The following ANO2 variants were observed in gnomAD, a reference collection of about 807,000 sequenced individuals.
The protein encoded by ANO2 is anoctamin 2.
In ANO2, 101 loss-of-function variants were observed where a neutral mutation model predicts 124.2. That is an observed-to-expected ratio of 0.81 (90% confidence interval 0.69 to 0.96). ANO2 has a LOEUF of 0.96. ANO2 is among the 40% of genes least tolerant of loss of function. ANO2 has a pLI of 0.00. For synonymous variants in ANO2, 486 were observed against 482.5 expected (o/e 1.01, Z -0.09); for missense variants, 1,293 against 1,274.5 (o/e 1.01, Z -0.22).
chr12:5,942,631 G>A (rs185254642), intron 1 of ANO2, among the ~76,000 whole-genome samples: 217 of 140,064 alleles, frequency 1.5e-3, no homozygotes, highest in Non-Finnish European at 2.7e-3. Context: ...TCCCCACAGG[G>A]GAAGCTCCAC....
At chr12:5,826,035 G>C (rs1224014164) in intron 7 of ANO2, among the ~76,000 whole-genome samples, 1 of 152,138 alleles carries the variant, frequency 6.6e-6, no homozygotes, top group Non-Finnish European at 1.5e-5. Flanking sequence ...TTAAAAACAT[G>C]TTTGTGCATG....
At position 5,642,375 on chromosome 12, in the gene ANO2, C is replaced by G. The variant is rs1476148936; in HGVS notation, c.1620+5352G>C. 4.6e-5 allele frequency among the ~76,000 whole-genome samples: 7 copies of G among 152,294 alleles called. No individual in the cohort carries two copies. In the East Asian group the frequency reaches 1.2e-3, roughly 25 times the overall value. Reference sequence around the variant, plus strand: ...AGACTCATATGCATCAGGAGGGCAACTGAGTTAAGGAATAACTGGCAGATT... The same window carrying G: ...AGACTCATATGCATCAGGAGGGCAAGTGAGTTAAGGAATAACTGGCAGATT... On this transcript the variant is annotated intron_variant, in intron 15 of 24. Transcript: ENST00000682330.
At chr12:5,919,318 C>T (rs1941560488) in intron 3 of ANO2, among the ~76,000 whole-genome samples, 1 of 151,752 alleles carries the variant, frequency 6.6e-6, no homozygotes. Flanking sequence ...AGCACAAAGA[C>T]CTGAGGTCAA....
At chr12:5,871,518 G>C (rs982594508) in intron 3 of ANO2, among the ~76,000 whole-genome samples, 1 of 152,170 alleles carries the variant, frequency 6.6e-6, no homozygotes, top group South Asian at 2.1e-4. Context: ...GCATCACCAC[G>C]TGAGTGCCAC....
At chr12:5,813,236 G>C (rs1010486504) in intron 7 of ANO2, among the ~76,000 whole-genome samples, 1 of 152,184 alleles carries the variant, frequency 6.6e-6, no homozygotes, top group Non-Finnish European at 1.5e-5. Flanking sequence ...TCTTTGGGGG[G>C]TCAGAACCCC....
chr12:5,591,072 C>T (rs770672388), intron 20 of ANO2, among the ~76,000 whole-genome samples: 6 of 152,096 alleles, frequency 3.9e-5, no homozygotes, highest in Admixed American at 6.5e-5. Flanking sequence ...CACAACTACT[C>T]GGAAGGCTGA....
chr12:5,890,946 C>T (rs965777770), intron 3 of ANO2, among the ~76,000 whole-genome samples: 1 of 152,164 alleles, frequency 6.6e-6, no homozygotes. Context: ...TCATATAGAA[C>T]TTGAATCTCC....
At chr12:5,917,664 T>G (rs1265313501) in intron 3 of ANO2, among the ~76,000 whole-genome samples, 1 of 150,092 alleles carries the variant, frequency 6.7e-6, no homozygotes. Flanking sequence ...ACCTCCAGAG[T>G]TCAGGCAATC....
intron 3 of ANO2, among the ~76,000 whole-genome samples, chr12:5,866,682 GC>G (rs1450751776): frequency 6.6e-6 from 1 of 152,216 alleles, no homozygotes; most frequent in African/African-American, 2.4e-5. Context: ...GTAGAGACCA[GC>G]CGGCCTGAAA....
Position 5,676,472 on chromosome 12 carries a change from G to A in ANO2, c.1546-28671C>T, listed in dbSNP as rs539154718. On this transcript the variant is annotated intron_variant, in intron 14 of 24. Coordinates refer to ENST00000682330, the MANE Select transcript of ANO2 (RefSeq NM_001364791.2). ...GGTCACAAAATGTACAGTACATCTC[G>A]TTTTATTTACACCCACAAGCACACA... Among the ~76,000 whole-genome samples the A allele has an allele frequency of 7.2e-5, 11 of 152,240 alleles. No homozygotes were observed. The East Asian group carries it at 1.2e-3, about 16-fold the overall frequency.
intron 19 of ANO2, among the ~76,000 whole-genome samples, chr12:5,611,629 C>A (rs927017977): frequency 2.6e-5 from 4 of 152,122 alleles, no homozygotes; most frequent in African/African-American, 9.7e-5. Context: ...AAAGTAGCCA[C>A]CCTGAATTCC....
chr12:5,637,195 TTC>T (rs1225046186), intron 15 of ANO2, among the ~76,000 whole-genome samples: 1 of 152,118 alleles, frequency 6.6e-6, no homozygotes, highest in Non-Finnish European at 1.5e-5. Context: ...CACTTCCCAT[TTC>T]TCTGGGATTG....
At chr12:5,708,797 T>A (rs1949708125) in intron 14 of ANO2, among the ~76,000 whole-genome samples, 1 of 152,210 alleles carries the variant, frequency 6.6e-6, no homozygotes, top group South Asian at 2.1e-4. Flanking sequence ...CCTTGCCAGC[T>A]CCTACTAAGT....
At chr12:5,692,870 T>C (rs1473405133) in intron 14 of ANO2, among the ~76,000 whole-genome samples, 1 of 152,216 alleles carries the variant, frequency 6.6e-6, no homozygotes, top group Non-Finnish European at 1.5e-5. Context: ...TGAAAAGTAT[T>C]GTTTCCGAGG....
At chr12:5,593,360 G>A (rs571497566) in intron 20 of ANO2, among the ~76,000 whole-genome samples, 27 of 152,282 alleles carry the variant, frequency 1.8e-4, no homozygotes, top group African/African-American at 6.5e-4. Context: ...AAAGCTTGTG[G>A]GTTTTAGATA....
At position 5,904,189 on chromosome 12, in the gene ANO2, C is replaced by T. The variant is rs139628729; in HGVS notation, c.534+16851G>A. ...CAGCATTAGTCTCCAATGTAAGCAGCTTATGGAAGCTGTAGTAAAGAAGGG... is the reference window on the plus strand; with the variant it reads ...CAGCATTAGTCTCCAATGTAAGCAGTTTATGGAAGCTGTAGTAAAGAAGGG... On this transcript the variant is annotated intron_variant, in intron 3 of 24. Transcript: ENST00000682330. This position sits in a 1 kb window ranked among gnomAD's most constrained non-coding sequence, Gnocchi z 4.1. 1.3e-5 allele frequency among the ~76,000 whole-genome samples: 2 copies of T among 152,282 alleles called. No homozygotes were observed. Among genetic ancestry groups the T allele is most frequent in the Non-Finnish European group, 2.9e-5 (2 of 68,024 alleles).
intron 10 of ANO2, among the ~76,000 whole-genome samples, chr12:5,796,272 C>T (rs559323909): frequency 1.6e-4 from 25 of 151,864 alleles, no homozygotes; most frequent in African/African-American, 2.4e-4. Flanking sequence ...CACCGACACA[C>T]GCATGCACAC....
intron 14 of ANO2, among the ~76,000 whole-genome samples, chr12:5,714,945 A>G (rs1949962591): frequency 6.6e-6 from 1 of 152,214 alleles, no homozygotes; most frequent in African/African-American, 2.4e-5. Context: ...GGCATACCCT[A>G]GGTTCTGTGG....
intron 3 of ANO2, among the ~76,000 whole-genome samples, chr12:5,861,844 G>T (rs960598933): frequency 1.3e-5 from 2 of 152,112 alleles, no homozygotes; most frequent in Non-Finnish European, 2.9e-5. Flanking sequence ...CACAGCTGGA[G>T]GACAGGGGTG....
Sources: allele counts gnomAD v4.1 joint callset (sites outside exome capture counted in the v4.1 genomes callset), GRCh38; gene constraint gnomAD v4.1.1; non-coding constraint Gnocchi (gnomAD v3.1); transcripts MANE v1.5; gene names NCBI Gene and HGNC (gene_info 2026-07-23, HGNC 2026-07-21).